Variants in KAT6B observed in about 807,000 individuals in gnomAD.
KAT6B encodes lysine acetyltransferase 6B, also known as histone acetyltransferase KAT6B.
In KAT6B, 10 loss-of-function variants were observed where a neutral mutation model predicts 187.5. The observed-to-expected ratio is 0.05, with a 90% confidence interval of 0.03 to 0.09. KAT6B has a LOEUF of 0.09. KAT6B is among the 10% of genes least tolerant of loss of function. The pLI is 1.00. For synonymous variants in KAT6B, 861 were observed against 926.8 expected (o/e 0.93, Z 1.29); for missense variants, 1,952 against 2,558.9 (o/e 0.76, Z 5.12).
intron 3 of KAT6B, among the ~76,000 whole-genome samples, chr10:74,919,139 C>G (rs1447988918): frequency 1.3e-5 from 2 of 152,034 alleles, no homozygotes; most frequent in African/African-American, 2.4e-5. Flanking sequence ...AGGAGAATTA[C>G]CTGAACCTGG....
chr10:74,942,959 T>G (rs1013138816), intron 3 of KAT6B, among the ~76,000 whole-genome samples: 7 of 152,182 alleles, frequency 4.6e-5, no homozygotes, highest in African/African-American at 1.7e-4. Flanking sequence ...GGAGGAAGAA[T>G]AATAATGTCT....
intron 3 of KAT6B, among the ~76,000 whole-genome samples, chr10:74,881,807 C>G (rs1844869510): frequency 6.6e-6 from 1 of 152,158 alleles, no homozygotes; most frequent in South Asian, 2.1e-4. Context: ...TCTCATGTCA[C>G]TGTGCCTGGC....
Position 75,025,245 on chromosome 10 carries a change from T to G in KAT6B, c.3660T>G (p.Cys1220Trp). 5.6e-6 allele frequency: 9 copies of G among 1,613,986 alleles called. No individual in the cohort carries two copies. Among genetic ancestry groups the G allele is most frequent in the Non-Finnish European group, 7.6e-6 (9 of 1,179,938 alleles). ...DNHCFKNADP[C>W]RNNMNDDSSN... Reference sequence around the variant, plus strand: ...ATTGCTTCAAGAATGCTGACCCTTGTAGAAGTAAGTAGAGGAATGATAAAA... The same window carrying G: ...ATTGCTTCAAGAATGCTGACCCTTGGAGAAGTAAGTAGAGGAATGATAAAA... The change falls in exon 17 of 18, where the codon TGT becomes TGG. Residue 1220 changes from cysteine (C) to tryptophan (W), a missense_variant. Transcript: ENST00000287239.
intron 3 of KAT6B, among the ~76,000 whole-genome samples, chr10:74,864,142 C>A (rs567549873): frequency 5.9e-5 from 9 of 152,254 alleles, no homozygotes; most frequent in African/African-American, 2.2e-4. Flanking sequence ...GATCTCAGCC[C>A]ACTGCAACCT....
rs539970774 is a variant in KAT6B, at chr10:74,999,812, TAAG to T, written c.2629+10704_2629+10706del. 2.2e-3 allele frequency among the ~76,000 whole-genome samples: 331 copies of T among 152,340 alleles called. 3 individuals carry two copies. Among genetic ancestry groups the T allele is most frequent in the South Asian group, 0.019 (92 of 4,824 alleles). Reference sequence around the variant, plus strand: ...ATTCAGTGCCCCAGAGAGAAAGTCATAAGAAGTATTCTTTGGACAACTGTATAT... The same window carrying T: ...ATTCAGTGCCCCAGAGAGAAAGTCATAAGTATTCTTTGGACAACTGTATAT... On this transcript the variant is annotated intron_variant, in intron 13 of 17. Transcript: ENST00000287239.
At chr10:74,924,005 G>C (rs1354915956) in intron 3 of KAT6B, among the ~76,000 whole-genome samples, 3 of 152,166 alleles carry the variant, frequency 2.0e-5, no homozygotes, top group Non-Finnish European at 4.4e-5. Context: ...GTATTTTGAA[G>C]TAGAGCCCGC....
intron 3 of KAT6B, among the ~76,000 whole-genome samples, chr10:74,920,100 A>C (rs950850925): frequency 6.6e-6 from 1 of 151,864 alleles, no homozygotes; most frequent in Non-Finnish European, 1.5e-5. Flanking sequence ...TACATCCTGG[A>C]TGTTGTTTTT....
chr10:74,984,076 A>G (rs1842682020), intron 11 of KAT6B: 2 of 152,224 alleles, frequency 1.3e-5, no homozygotes, highest in African/African-American at 4.8e-5. Context: ...CAAAAGGGCC[A>G]TACTCTCAAA....
intron 3 of KAT6B, among the ~76,000 whole-genome samples, chr10:74,898,755 A>G (rs1846163648): frequency 6.6e-6 from 1 of 152,166 alleles, no homozygotes; most frequent in African/African-American, 2.4e-5. Context: ...AAGAAGGCTA[A>G]GACAGTTCTG....
At chr10:74,896,701 A>G (rs991580397) in intron 3 of KAT6B, among the ~76,000 whole-genome samples, 1 of 152,206 alleles carries the variant, frequency 6.6e-6, no homozygotes, top group Non-Finnish European at 1.5e-5. Context: ...TTCTCTTCTA[A>G]TTTTATCTGC....
intron 13 of KAT6B, among the ~76,000 whole-genome samples, chr10:75,005,188 CT>C (rs1278779895): frequency 3.3e-5 from 5 of 151,812 alleles, no homozygotes; most frequent in African/African-American, 1.2e-4. Flanking sequence ...CCACTTACCC[CT>C]CTCATGATGG....
intron 16 of KAT6B, 105 bp from the exon 17 acceptor site, chr10:75,024,853 C>T (rs1461777790): frequency 1.9e-6 from 2 of 1,039,156 alleles, no homozygotes. Context: ...GAAGTCACCA[C>T]GTGTAAGATT....
intron 3 of KAT6B, among the ~76,000 whole-genome samples, chr10:74,869,191 G>T (rs1843743820): frequency 6.6e-6 from 1 of 151,678 alleles, no homozygotes; most frequent in African/African-American, 2.4e-5. Context: ...TTCCAGATTT[G>T]TTTATGCGCG....
chr10:74,927,785 C>G (rs12252173), intron 3 of KAT6B, among the ~76,000 whole-genome samples: 3,925 of 152,206 alleles, frequency 0.026, 120 homozygotes, highest in African/African-American at 0.071. Flanking sequence ...GATCCTTGCC[C>G]TTGAACCCTA....
intron 3 of KAT6B, among the ~76,000 whole-genome samples, chr10:74,921,731 T>C (rs1323125412): frequency 6.6e-6 from 1 of 152,244 alleles, no homozygotes; most frequent in African/African-American, 2.4e-5. Context: ...TGTGTCCTTT[T>C]GGCAATTTTC....
chr10:74,894,164 C>T (rs968122627), intron 3 of KAT6B, among the ~76,000 whole-genome samples: 3 of 152,138 alleles, frequency 2.0e-5, no homozygotes, highest in Non-Finnish European at 4.4e-5. Flanking sequence ...CTCGCTGCAA[C>T]TTCGCTTGCC....
At chr10:74,963,862 GC>G (rs1841274329) in intron 4 of KAT6B, among the ~76,000 whole-genome samples, 1 of 152,034 alleles carries the variant, frequency 6.6e-6, no homozygotes, top group East Asian at 1.9e-4. Flanking sequence ...TGTGGCTCAC[GC>G]CTGTAGTCCC....
intron 3 of KAT6B, among the ~76,000 whole-genome samples, chr10:74,933,327 G>A (rs529092698): frequency 6.6e-6 from 1 of 152,332 alleles, no homozygotes; most frequent in South Asian, 2.1e-4. Context: ...TTTTGAGTTT[G>A]TTATCATTTT....
At chr10:74,909,716 A>G (rs1847053927) in intron 3 of KAT6B, among the ~76,000 whole-genome samples, 1 of 152,182 alleles carries the variant, frequency 6.6e-6, no homozygotes. Context: ...CTTAAGTTCT[A>G]CAGCAGACCT....
Sources: gnomAD v4.1 joint callset for allele counts (sites outside exome capture counted in the v4.1 genomes callset) on GRCh38, gnomAD v4.1.1 for gene constraint, MANE v1.5 for transcripts, NCBI Gene and HGNC (gene_info 2026-07-23, HGNC 2026-07-21) for gene names.